The following CSMD2 variants were observed in gnomAD, a reference collection of about 807,000 sequenced individuals.
The protein encoded by CSMD2 is CUB and sushi domain-containing protein 2.
In CSMD2, 130 loss-of-function variants were observed where a neutral mutation model predicts 398.5. That is an observed-to-expected ratio of 0.33 (90% CI 0.28 to 0.38). The LOEUF is 0.38. Among genes scored for constraint, CSMD2 ranks in the 10% least tolerant of loss-of-function variants. CSMD2 has a pLI of 1.00. For synonymous variants in CSMD2, 1,828 were observed against 1,908.5 expected (o/e 0.96, Z 1.10); for missense variants, 3,829 against 4,764.9 (o/e 0.80, Z 5.78).
chr1:33,811,733 G>A (rs918114249), intron 9 of CSMD2, among the ~76,000 whole-genome samples: 1 of 152,152 alleles, frequency 6.6e-6, no homozygotes, highest in African/African-American at 2.4e-5. Flanking sequence ...AAGGTACTAC[G>A]TTGTACCTAG....
In CSMD2 at chr1:33,702,506, TACA is replaced by T. The variant is rs536069862; in HGVS notation, c.3577-1836_3577-1834del. On this transcript the variant is annotated intron_variant, in intron 22 of 70. Transcript: ENST00000373381. ...AAATGTGCAAATAACTTTCAGAACT[TACA>T]ACATGTTGGTAAGTGTCCTTCTAGC... 7.9e-5 allele frequency among the ~76,000 whole-genome samples: 12 copies of T among 152,314 alleles called. No homozygotes were observed. In the South Asian group the frequency reaches 2.5e-3, roughly 32 times the overall value.
chr1:33,896,494 C>T (rs1389205858), intron 5 of CSMD2, among the ~76,000 whole-genome samples: 1 of 152,054 alleles, frequency 6.6e-6, no homozygotes, highest in Non-Finnish European at 1.5e-5. Context: ...TTAAGATTAC[C>T]CCAGCAGTCC....
In CSMD2 at chr1:33,935,149, G is replaced by T. The variant is rs1644436156; in HGVS notation, c.712+611C>A. Among the ~76,000 whole-genome samples the T allele has an allele frequency of 2.0e-5, 3 of 152,256 alleles. No individual in the cohort carries two copies. In the South Asian group the frequency reaches 6.2e-4, roughly 32 times the overall value. On this transcript the variant is annotated intron_variant, in intron 4 of 70. Coordinates refer to ENST00000373381, the MANE Select transcript of CSMD2 (RefSeq NM_001281956.2). ...GTCTCTGTTGCCTGAAACTGAGTGG[G>T]TTTCCAGGATGCGGAACTTTCAGGA...
intron 6 of CSMD2, among the ~76,000 whole-genome samples, chr1:33,827,417 C>T (rs1441083142): frequency 6.6e-6 from 1 of 152,180 alleles, no homozygotes; most frequent in Non-Finnish European, 1.5e-5. Flanking sequence ...GCCAATTCCC[C>T]AAAAGGCCTT....
chr1:34,050,119 T>C (rs1653006435), intron 2 of CSMD2, among the ~76,000 whole-genome samples: 1 of 152,162 alleles, frequency 6.6e-6, no homozygotes, highest in Admixed American at 6.5e-5. Context: ...AGCCACCCAG[T>C]CTACGAGTAT....
At chr1:33,837,552 T>C (rs1244096211) in intron 6 of CSMD2, among the ~76,000 whole-genome samples, 1 of 152,212 alleles carries the variant, frequency 6.6e-6, no homozygotes, top group African/African-American at 2.4e-5. Flanking sequence ...CCCGATAGTA[T>C]GCTTAATATT....
intron 40 of CSMD2, among the ~76,000 whole-genome samples, chr1:33,612,309 A>G (rs958712787): frequency 6.6e-6 from 1 of 152,218 alleles, no homozygotes; most frequent in Non-Finnish European, 1.5e-5. Context: ...CTGATCATTT[A>G]AAGAATAAAA....
intron 51 of CSMD2, among the ~76,000 whole-genome samples, chr1:33,570,969 C>A (rs1443736068): frequency 3.9e-5 from 6 of 152,134 alleles, no homozygotes; most frequent in African/African-American, 7.2e-5. Context: ...CAAGAGCACC[C>A]CCTAATAAGC....
At chr1:33,536,832 G>A (rs1045541759) in intron 62 of CSMD2, among the ~76,000 whole-genome samples, 190 bp downstream of exon 62, 1 of 152,224 alleles carries the variant, frequency 6.6e-6, no homozygotes, top group African/African-American at 2.4e-5. Context: ...ACGGATGTTA[G>A]GGTCCTGCTG....
intron 11 of CSMD2, 138 bp from the exon 12 acceptor site, chr1:33,788,850 A>C: frequency 1.6e-6 from 1 of 614,432 alleles, no homozygotes; most frequent in Non-Finnish European, 2.9e-6. Flanking sequence ...TGTGTTTCTG[A>C]CTCTGGAGCC....
chr1:33,999,373 AC>A (rs1646825923), intron 3 of CSMD2, among the ~76,000 whole-genome samples: 1 of 152,060 alleles, frequency 6.6e-6, no homozygotes, highest in Non-Finnish European at 1.5e-5. Context: ...GTAACTAGAT[AC>A]TTTTTAAAAA....
At chr1:33,689,123 G>A (rs1475282757) in intron 25 of CSMD2, among the ~76,000 whole-genome samples, 1 of 150,910 alleles carries the variant, frequency 6.6e-6, no homozygotes, top group African/African-American at 2.4e-5. Context: ...AAAGAAGAAG[G>A]GAAGGGGAGA....
chr1:33,745,533 G>A (rs1202672086), intron 13 of CSMD2, among the ~76,000 whole-genome samples: 1 of 152,120 alleles, frequency 6.6e-6, no homozygotes, highest in Non-Finnish European at 1.5e-5. Context: ...GCCAAAGGGG[G>A]GAAAACATTA....
At position 34,069,194 on chromosome 1, in the gene CSMD2, G is replaced by A. The variant is rs114780268; in HGVS notation, c.404+19783C>T. Among the ~76,000 whole-genome samples, 302 of 152,246 alleles carry A rather than the reference G, an allele frequency of 2.0e-3. 1 individual carries two copies. Among genetic ancestry groups the A allele is most frequent in the African/African-American group, 6.7e-3 (280 of 41,546 alleles). ...TCTGTACTGGTGTCATCTACTTTTA[G>A]GGAGGCCTAAATATACAGGGTATTC... On this transcript the variant is annotated intron_variant, in intron 2 of 70. Coordinates refer to ENST00000373381, the MANE Select transcript of CSMD2 (RefSeq NM_001281956.2).
At chr1:34,001,853 G>A (rs184870191) in intron 3 of CSMD2, among the ~76,000 whole-genome samples, 4 of 152,212 alleles carry the variant, frequency 2.6e-5, no homozygotes, top group African/African-American at 4.8e-5. Flanking sequence ...ATATACATGC[G>A]CTAACCTCCT....
At chr1:33,623,215 C>T (rs970789308) in intron 36 of CSMD2, among the ~76,000 whole-genome samples, 155 bp downstream of exon 36, 2 of 152,068 alleles carry the variant, frequency 1.3e-5, no homozygotes, top group Non-Finnish European at 2.9e-5. Flanking sequence ...CAGGACCTTT[C>T]GAATCTCCTG....
chr1:34,053,772 A>T (rs943592216), intron 2 of CSMD2, among the ~76,000 whole-genome samples: 35 of 152,208 alleles, frequency 2.3e-4, no homozygotes, highest in Non-Finnish European at 1.6e-4. Flanking sequence ...GCAGGAAAAT[A>T]CAACAGATAT....
intron 57 of CSMD2, among the ~76,000 whole-genome samples, chr1:33,545,163 A>G (rs1270089401): frequency 6.6e-6 from 1 of 151,726 alleles, no homozygotes; most frequent in Non-Finnish European, 1.5e-5. Context: ...ACTCAAACTT[A>G]CTCTCATCTG....
intron 10 of CSMD2, among the ~76,000 whole-genome samples, chr1:33,793,567 C>A (rs980536619): frequency 9.9e-5 from 15 of 152,122 alleles, no homozygotes; most frequent in African/African-American, 3.6e-4. Flanking sequence ...AGGTCTCATA[C>A]CTCTACCCTC....
Sources: gnomAD v4.1 joint callset for allele counts (sites outside exome capture counted in the v4.1 genomes callset) on GRCh38, gnomAD v4.1.1 for gene constraint, MANE v1.5 for transcripts, NCBI Gene and HGNC (gene_info 2026-07-23, HGNC 2026-07-21) for gene names.